CPS1: variants seen among roughly 807,000 people sequenced by gnomAD.
The protein encoded by CPS1 is carbamoyl-phosphate synthase [ammonia], mitochondrial.
CPS1 carries 109 observed loss-of-function variants against 174.6 expected under a neutral mutation model. The observed-to-expected ratio is 0.62, with a 90% CI of 0.53 to 0.73. The LOEUF (loss-of-function observed/expected upper bound fraction) is 0.73. Among genes scored for constraint, CPS1 ranks in the 30% least tolerant of loss-of-function variants. CPS1 has a pLI of 0.00. For missense variants in CPS1, 1,689 were observed against 1,821.9 expected, an observed-to-expected ratio of 0.93 and a Z score of 1.33; for synonymous variants, 637 against 632.0, an observed-to-expected ratio of 1.01 and a Z score of -0.12.
chr2:210,518,120 C>G (rs1695729754), intron 1 of CPS1, among the ~76,000 whole-genome samples: 1 of 151,912 alleles, frequency 6.6e-6, no homozygotes, highest in East Asian at 1.9e-4. Context: ...ATGTTGTGGT[C>G]TGTTGTGTCT....
At chr2:210,655,442 A>G (rs111870264) in intron 29 of CPS1, among the ~76,000 whole-genome samples, 7 of 152,148 alleles carry the variant, frequency 4.6e-5, no homozygotes, top group African/African-American at 1.7e-4. Flanking sequence ...GGTTATTCAC[A>G]TAGTTTTTAA....
Position 210,590,698 on chromosome 2 carries a change from C to G in CPS1, c.841-102C>G, listed in dbSNP as rs1559092634. ...TCTTCTTTAATTCAGTTACTATTCT[C>G]TTTACCTTCTTAAGAAAAAAGGATA... On this transcript the variant is annotated intron_variant, in intron 8 of 37. Transcript: ENST00000233072. 4.7e-6 allele frequency: 4 copies of G among 859,962 alleles called. No individual in the cohort carries two copies. The African/African-American group carries it at 5.0e-5, about 11-fold the overall frequency. The allele number at this position is 859,962 out of a possible 1,614,324, so 53.3% of individuals were successfully genotyped here.
intron 18 of CPS1, 146 bp from the exon 19 acceptor site, chr2:210,608,215 T>C: frequency 1.4e-6 from 1 of 722,360 alleles, no homozygotes; most frequent in South Asian, 1.7e-5. Flanking sequence ...AAGTGGCTAC[T>C]AAATATTGAT....
chr2:210,637,790 G>T lies in CPS1; in HGVS notation c.2776G>T (p.Ala926Ser), dbSNP rs770105329. The part of the protein sequence containing the change: ...QISKCLGLTE[A>S]QTRELRLKKN... ...TTCAAAATGCCTTGGGCTCACTGAGGCCCAGACAAGGGAGCTGAGGTTAAA... is the reference window on the plus strand; with the variant it reads ...TTCAAAATGCCTTGGGCTCACTGAGTCCCAGACAAGGGAGCTGAGGTTAAA... Residue 926 changes from alanine (A) to serine (S), a missense_variant, in exon 22 of 38, where the codon GCC becomes TCC. Transcript: ENST00000233072. 3 of 1,613,924 alleles carry T rather than the reference G, an allele frequency of 1.9e-6. No individual in the cohort carries two copies. Among genetic ancestry groups the T allele is most frequent in the Non-Finnish European group, 2.5e-6 (3 of 1,179,888 alleles).
chr2:210,508,148 T>C (rs898472632), intron 1 of CPS1, among the ~76,000 whole-genome samples: 19 of 148,240 alleles, frequency 1.3e-4, no homozygotes, highest in African/African-American at 4.2e-4. Flanking sequence ...CCTCAGCAAA[T>C]GTAAAAGAAC....
At chr2:210,588,297 C>A in intron 7 of CPS1, 150 bp downstream of exon 7, 3 of 737,908 alleles carry the variant, frequency 4.1e-6, no homozygotes, top group Non-Finnish European at 7.1e-6. Flanking sequence ...CAAAATAACA[C>A]ATTTATCCCT....
In CPS1 at chr2:210,600,623, T is replaced by A; in HGVS notation, c.1618T>A (p.Ser540Thr). The A allele has an allele frequency of 6.2e-7, 1 of 1,612,292 alleles. No individual in the cohort carries two copies. The highest frequency in any genetic ancestry group is 8.5e-7 in the Non-Finnish European group (1 of 1,178,858). ...GAAAGTCCTGGGAACTTCAGTTGAG[T>A]CCATTATGGCTACGGAAGACAGGCA... ...GVKVLGTSVESIMATEDRQLF... is the reference protein window; with the variant it reads ...GVKVLGTSVETIMATEDRQLF... The change falls in exon 15 of 38, where the codon TCC becomes ACC. Residue 540 changes from serine to threonine, a missense_variant. Physicochemically the swap from Ser to Thr is moderately conservative, Grantham distance 58. Transcript: ENST00000233072.
intron 1 of CPS1, among the ~76,000 whole-genome samples, chr2:210,544,707 T>C (rs1447687324): frequency 6.6e-6 from 1 of 152,040 alleles, no homozygotes; most frequent in African/African-American, 2.4e-5. Context: ...GAAATATAAA[T>C]GCAGATAAAA....
intron 10 of CPS1, 123 bp downstream of exon 10, chr2:210,592,092 A>T: frequency 9.1e-7 from 1 of 1,093,230 alleles, no homozygotes; most frequent in Non-Finnish European, 1.3e-6. Context: ...CATGCATATC[A>T]TATGTAATGA....
Position 210,590,967 on chromosome 2 carries a change from G to A in CPS1, c.947+61G>A, listed in dbSNP as rs983156096. 1.3e-5 allele frequency: 17 copies of A among 1,289,400 alleles called. No homozygotes were observed. In the African/African-American group the frequency reaches 1.9e-4, roughly 14 times the overall value. 79.9% of individuals were successfully genotyped at this position (1,289,400 alleles called of 1,614,324 possible). A position where few individuals can be genotyped will look rare whatever the true frequency, so the allele number is the denominator to read the frequency against. ...CTCTGACATACTAACTAAATACAAA[G>A]AACTCAGAGCACTTACCTGCCATTT... On this transcript the variant is annotated intron_variant, in intron 9 of 37. Coordinates refer to ENST00000233072, the MANE Select transcript of CPS1 (RefSeq NM_001875.5).
chr2:210,598,192 T>C lies in CPS1; in HGVS notation c.1360-1180T>C, dbSNP rs537731500. On this transcript the variant is annotated intron_variant, in intron 13 of 37. Transcript: ENST00000233072. ...TTGAGGGAATTCATTACCACCAGAC[T>C]AGCCTTACAAAATATCTTGAAAGGA... 7.9e-4 allele frequency among the ~76,000 whole-genome samples: 120 copies of C among 151,898 alleles called. No individual in the cohort carries two copies. The South Asian group carries it at 0.023, about 29-fold the overall frequency.
chr2:210,606,164 A>G (rs532950267), intron 17 of CPS1, among the ~76,000 whole-genome samples: 1 of 152,056 alleles, frequency 6.6e-6, no homozygotes, highest in East Asian at 2.0e-4. Context: ...ATTACATGGT[A>G]TCAAGTGGTA....
rs34829607 is a variant in CPS1, at chr2:210,634,434, G to GA, written c.2688-3258dup. On this transcript the variant is annotated intron_variant, in intron 21 of 37. Transcript: ENST00000233072. ...GACAGAGCGAGACTCCGTCTCAAAA[G>GA]AAAAAAAAAATGTTTCCTCTACTTT... is the stretch of plus-strand genomic sequence containing the variant. Among the ~76,000 whole-genome samples the GA allele has an allele frequency of 4.9e-4, 73 of 148,718 alleles. 1 individual carries two copies. Among genetic ancestry groups the GA allele is most frequent in the Non-Finnish European group, 8.4e-4 (56 of 66,858 alleles).
intron 1 of CPS1, among the ~76,000 whole-genome samples, chr2:210,495,472 C>T (rs1444814884): frequency 1.3e-5 from 2 of 152,134 alleles, no homozygotes; most frequent in African/African-American, 2.4e-5. Context: ...TGCAAAAAAT[C>T]CACAATGAAC....
chr2:210,639,751 A>C (rs995487713), intron 23 of CPS1, among the ~76,000 whole-genome samples: 2 of 152,148 alleles, frequency 1.3e-5, no homozygotes. Context: ...CAATGACTAC[A>C]TGATCATACA....
intron 34 of CPS1, among the ~76,000 whole-genome samples, chr2:210,670,431 T>A (rs1255757218): frequency 6.6e-6 from 1 of 152,116 alleles, no homozygotes; most frequent in African/African-American, 2.4e-5. Flanking sequence ...TGACTACTTC[T>A]TAGTTAGTAT....
chr2:210,527,114 CTTT>C (rs753858891), intron 1 of CPS1, among the ~76,000 whole-genome samples: 3 of 151,280 alleles, frequency 2.0e-5, no homozygotes, highest in South Asian at 2.1e-4. Flanking sequence ...TTTTTCTCTT[CTTT>C]ATTTCTTTCC....
chr2:210,614,801 A>G (rs990539501), intron 20 of CPS1, among the ~76,000 whole-genome samples: 2 of 151,670 alleles, frequency 1.3e-5, no homozygotes, highest in Non-Finnish European at 2.9e-5. Context: ...ACCAAGTACC[A>G]CATGTTCTCA....
At chr2:210,530,935 A>G (rs1249927078) in intron 1 of CPS1, among the ~76,000 whole-genome samples, 1 of 152,020 alleles carries the variant, frequency 6.6e-6, no homozygotes, top group African/African-American at 2.4e-5. Flanking sequence ...AAGCTTGGAC[A>G]ACAATTGCCT....
Sources: gnomAD v4.1 joint callset for allele counts (sites outside exome capture counted in the v4.1 genomes callset) on GRCh38, gnomAD v4.1.1 for gene constraint, MANE v1.5 for transcripts, NCBI Gene and HGNC (gene_info 2026-07-23, HGNC 2026-07-21) for gene names.